GATAD2B: variants seen among roughly 807,000 people sequenced by gnomAD.
GATAD2B encodes the protein transcriptional repressor p66-beta.
Under a neutral mutation model 64.3 loss-of-function variants are expected in GATAD2B, and 8 were observed. The observed-to-expected ratio is 0.12, with a 90% CI of 0.07 to 0.22. The LOEUF is 0.22. Among genes scored for constraint, GATAD2B ranks in the 10% least tolerant of loss-of-function variants. The pLI is 1.00. For missense variants in GATAD2B, 453 were observed against 752.0 expected (o/e 0.60, Z 4.65); for synonymous variants, 281 against 271.3 (o/e 1.04, Z -0.35).
intron 1 of GATAD2B, among the ~76,000 whole-genome samples, chr1:153,908,401 G>A (rs1678011213): frequency 6.6e-6 from 1 of 151,748 alleles, no homozygotes; most frequent in Non-Finnish European, 1.5e-5. Flanking sequence ...CAGGCACAGA[G>A]AAGTTAAGTA....
chr1:153,854,957 T>TA (rs976650652), intron 1 of GATAD2B, among the ~76,000 whole-genome samples: 19 of 151,012 alleles, frequency 1.3e-4, no homozygotes, highest in South Asian at 2.1e-4. Context: ...AAAGTTGATA[T>TA]AAAAAAAAAG....
intron 1 of GATAD2B, among the ~76,000 whole-genome samples, chr1:153,896,433 CTTTT>C (rs35275252): frequency 6.9e-5 from 8 of 115,970 alleles, no homozygotes; most frequent in Admixed American, 1.8e-4. Flanking sequence ...GTAAAATTTT[CTTTT>C]TTTTTTTTTT....
At chr1:153,814,353 GGT>G (rs1557779640) in intron 7 of GATAD2B, among the ~76,000 whole-genome samples, 7 of 152,236 alleles carry the variant, frequency 4.6e-5, no homozygotes, top group African/African-American at 1.7e-4. Flanking sequence ...GTTTAGTATT[GGT>G]TTACAGCTTT....
At chr1:153,890,788 CAG>C (rs773709460) in intron 1 of GATAD2B, 2 of 152,212 alleles carry the variant, frequency 1.3e-5, no homozygotes, top group African/African-American at 2.4e-5. Flanking sequence ...GAAAATACTA[CAG>C]AGTTTGTACA....
At chr1:153,862,008 C>A (rs1676312703) in intron 1 of GATAD2B, among the ~76,000 whole-genome samples, 1 of 150,280 alleles carries the variant, frequency 6.7e-6, no homozygotes. Flanking sequence ...AAGCTCCCTG[C>A]CATGTATCTC....
chr1:153,854,908 T>C (rs1356350367), intron 1 of GATAD2B, among the ~76,000 whole-genome samples: 1 of 152,132 alleles, frequency 6.6e-6, no homozygotes, highest in Non-Finnish European at 1.5e-5. Context: ...ATCTACAATG[T>C]GGAACATATT....
intron 2 of GATAD2B, among the ~76,000 whole-genome samples, chr1:153,822,188 T>A (rs1333265188): frequency 6.6e-6 from 1 of 151,818 alleles, no homozygotes; most frequent in Non-Finnish European, 1.5e-5. Context: ...CTCAAAAAAA[T>A]TAAAAATAAA....
At chr1:153,825,094 G>A (rs868024097) in intron 2 of GATAD2B, among the ~76,000 whole-genome samples, 25 of 152,210 alleles carry the variant, frequency 1.6e-4, no homozygotes, top group African/African-American at 5.5e-4. Flanking sequence ...TCAGGAAAGG[G>A]AAAGAGAAGG....
chr1:153,873,782 A>G (rs1156510343), intron 1 of GATAD2B, among the ~76,000 whole-genome samples: 1 of 152,190 alleles, frequency 6.6e-6, no homozygotes. Flanking sequence ...CATCTCTACA[A>G]AACATTTTTA....
intron 1 of GATAD2B, among the ~76,000 whole-genome samples, chr1:153,850,444 C>G (rs1675847716): frequency 6.6e-6 from 1 of 152,030 alleles, no homozygotes; most frequent in Non-Finnish European, 1.5e-5. Flanking sequence ...GGATTACAGG[C>G]ATCCGCCACC....
In GATAD2B at chr1:153,921,080, G is replaced by C. The variant is rs114901036; in HGVS notation, c.-2+1653C>G. 5.9e-3 allele frequency among the ~76,000 whole-genome samples: 902 copies of C among 152,246 alleles called. 9 individuals carry two copies. The highest frequency in any genetic ancestry group is 0.016 in the African/African-American group (670 of 41,528). Reference sequence around the variant, plus strand: ...CCTCCTTCCCAACTAAGTACTGACAGAAATACTACTCTAGGACAATACTTG... The same window carrying C: ...CCTCCTTCCCAACTAAGTACTGACACAAATACTACTCTAGGACAATACTTG... On this transcript the variant is annotated intron_variant, in intron 1 of 10. Coordinates refer to ENST00000368655, the MANE Select transcript of GATAD2B (RefSeq NM_020699.4).
chr1:153,898,584 A>G (rs1201908617), intron 1 of GATAD2B, among the ~76,000 whole-genome samples: 2 of 151,960 alleles, frequency 1.3e-5, no homozygotes, highest in Admixed American at 1.3e-4. Flanking sequence ...AAAAAAAATT[A>G]GCCAGGTGTG....
chr1:153,920,966 T>C (rs547859915), intron 1 of GATAD2B, among the ~76,000 whole-genome samples: 4 of 152,252 alleles, frequency 2.6e-5, no homozygotes, highest in East Asian at 3.9e-4. Flanking sequence ...AGGGACTAGA[T>C]ATCCGTCACA....
intron 1 of GATAD2B, among the ~76,000 whole-genome samples, chr1:153,846,221 G>A (rs1384042440): frequency 6.6e-6 from 1 of 151,864 alleles, no homozygotes; most frequent in Non-Finnish European, 1.5e-5. Context: ...TACCTTGCTT[G>A]TTCTGTGCTT....
intron 1 of GATAD2B, among the ~76,000 whole-genome samples, chr1:153,909,773 A>G (rs1287000024): frequency 5.3e-5 from 7 of 133,312 alleles, no homozygotes; most frequent in Non-Finnish European, 1.1e-4. Context: ...CCCCACCTTT[A>G]CTAAAAATAC....
intron 1 of GATAD2B, among the ~76,000 whole-genome samples, chr1:153,900,939 C>T (rs1389138798): frequency 1.3e-5 from 2 of 151,968 alleles, no homozygotes; most frequent in East Asian, 1.9e-4. Flanking sequence ...ACTGGCCAGG[C>T]GTGGTGGTTT....
At chr1:153,876,186 C>CCACTA (rs966325755) in intron 1 of GATAD2B, among the ~76,000 whole-genome samples, 31 of 126,654 alleles carry the variant, frequency 2.4e-4, no homozygotes, top group Non-Finnish European at 3.6e-4. Context: ...TGAGATCGCG[C>CCACTA]CACTACACTC....
intron 7 of GATAD2B, among the ~76,000 whole-genome samples, chr1:153,815,070 A>G (rs1674407541): frequency 3.3e-5 from 4 of 122,740 alleles, no homozygotes; most frequent in Admixed American, 9.6e-5. Flanking sequence ...TGACAGAGTA[A>G]GACTCTGTCT....
rs115188583 is a variant in GATAD2B, at chr1:153,876,553, T to C, written c.-2+46180A>G. ...ACTGCTCAGTAATATGCACCAAGGA[T>C]TGTAAAGGTCGCTATGCTTAAATGT... On this transcript the variant is annotated intron_variant, in intron 1 of 10. Transcript: ENST00000368655. Among the ~76,000 whole-genome samples, 1,235 of 152,246 alleles carry C rather than the reference T, an allele frequency of 8.1e-3. 21 individuals are homozygous for C. Among genetic ancestry groups the C allele is most frequent in the Non-Finnish European group, 8.8e-3 (601 of 68,024 alleles).
Sources: allele counts gnomAD v4.1 joint callset (sites outside exome capture counted in the v4.1 genomes callset), GRCh38; gene constraint gnomAD v4.1.1; transcripts MANE v1.5; gene names NCBI Gene and HGNC (gene_info 2026-07-23, HGNC 2026-07-21).